Variants in ADAMTS6 observed in about 807,000 individuals in gnomAD.
ADAMTS6 encodes the protein ADAM metallopeptidase with thrombospondin type 1 motif 6.
ADAMTS6 carries 23 observed loss-of-function variants against 144.3 expected under a neutral mutation model. The observed-to-expected ratio is 0.16, with a 90% CI of 0.11 to 0.23. The LOEUF is 0.23. ADAMTS6 is among the 10% of genes least tolerant of loss of function. The pLI, the probability that ADAMTS6 is intolerant of heterozygous loss-of-function variation, is 1.00. For synonymous variants in ADAMTS6, 444 were observed against 457.5 expected (o/e 0.97, Z 0.38); for missense variants, 999 against 1,379.6 (o/e 0.72, Z 4.37).
At chr5:65,166,822 C>A (rs1448987485) in intron 24 of ADAMTS6, among the ~76,000 whole-genome samples, 1 of 79,226 alleles carries the variant, frequency 1.3e-5, no homozygotes, top group Non-Finnish European at 2.6e-5. Context: ...TAAAGATGTT[C>A]TTTGAAACCA....
At chr5:65,463,450 G>A (rs1446666959) in intron 3 of ADAMTS6, among the ~76,000 whole-genome samples, 1 of 152,158 alleles carries the variant, frequency 6.6e-6, no homozygotes, top group African/African-American at 2.4e-5. Context: ...AAAACCAGAT[G>A]ATGGAGGGCC....
chr5:65,230,914 A>C (rs2112436232), intron 15 of ADAMTS6, among the ~76,000 whole-genome samples: 1 of 147,328 alleles, frequency 6.8e-6, no homozygotes, highest in East Asian at 2.0e-4. Flanking sequence ...ATGAAATCAA[A>C]GCATACTACT....
chr5:65,188,071 T>C lies in ADAMTS6; in HGVS notation c.2855A>G (p.Glu952Gly), dbSNP rs755763843. Residue 952 changes from glutamate (E) to glycine (G), a missense_variant, in exon 22 of 25, where the codon GAG becomes GGG. Glu to Gly is a moderately conservative substitution (Grantham distance 98). Around this residue, in one of 3 missense-constraint regions of ADAMTS6, gnomAD observed 619 missense variants for 837.0 expected, o/e 0.74. Transcript: ENST00000381055. ...TGGACATGACTGGTTGTTGCAGGGC[T>C]CTTTTTCGACAGGCCGGTGTGTTAA... ...GCLTHRPVEK[E>G]PCNNQSCPPQ... The C allele has an allele frequency of 6.2e-7, 1 of 1,614,142 alleles. No homozygotes were observed. Among genetic ancestry groups the C allele is most frequent in the Non-Finnish European group, 8.5e-7 (1 of 1,180,000 alleles).
At chr5:65,401,075 T>A (rs949369992) in intron 7 of ADAMTS6, among the ~76,000 whole-genome samples, 2 of 152,170 alleles carry the variant, frequency 1.3e-5, no homozygotes, top group Non-Finnish European at 2.9e-5. Context: ...AAACTGTGTT[T>A]TTTGCCTCTC....
At chr5:65,239,527 G>T (rs558022284) in intron 15 of ADAMTS6, among the ~76,000 whole-genome samples, 2 of 151,978 alleles carry the variant, frequency 1.3e-5, no homozygotes, top group African/African-American at 4.8e-5. Flanking sequence ...AAAACACAAT[G>T]ACCAGAAAGA....
intron 7 of ADAMTS6, among the ~76,000 whole-genome samples, chr5:65,359,960 C>T (rs886188292): frequency 2.6e-5 from 4 of 152,114 alleles, no homozygotes; most frequent in Non-Finnish European, 5.9e-5. Context: ...ATAATGTATA[C>T]TTAAAAATTG....
chr5:65,230,450 A>G (rs1418467259), intron 15 of ADAMTS6, among the ~76,000 whole-genome samples: 1 of 25,416 alleles, frequency 3.9e-5, no homozygotes, highest in Non-Finnish European at 5.8e-5. Flanking sequence ...TATATGAAAT[A>G]TATATAATAC....
intron 8 of ADAMTS6, among the ~76,000 whole-genome samples, chr5:65,331,257 A>G (rs74334295): frequency 0.045 from 6,818 of 152,054 alleles, 291 homozygotes; most frequent in African/African-American, 0.11. Flanking sequence ...TGTTTCTTAC[A>G]TTTCCCAAAA....
intron 7 of ADAMTS6, among the ~76,000 whole-genome samples, chr5:65,356,431 C>G (rs1010193085): frequency 1.3e-5 from 2 of 151,810 alleles, no homozygotes; most frequent in African/African-American, 4.8e-5. Flanking sequence ...ACAATTATGT[C>G]AAATGACAAC....
At chr5:65,173,102 A>G in intron 22 of ADAMTS6, 94 bp from the exon 23 acceptor site, 1 of 1,283,534 alleles carries the variant, frequency 7.8e-7, no homozygotes, top group Non-Finnish European at 1.1e-6. Flanking sequence ...GTGTTTTAGT[A>G]TAGAATATAC....
At chr5:65,405,840 A>T (rs190954576) in intron 7 of ADAMTS6, among the ~76,000 whole-genome samples, 18 of 151,478 alleles carry the variant, frequency 1.2e-4, no homozygotes, top group Admixed American at 4.6e-4. Flanking sequence ...GGTTTGTAGT[A>T]CTCCTTGAAG....
chr5:65,217,890 T>G (rs1008770430), intron 18 of ADAMTS6, among the ~76,000 whole-genome samples: 2 of 152,146 alleles, frequency 1.3e-5, no homozygotes, highest in African/African-American at 2.4e-5. Context: ...TTGTAAATAA[T>G]CAGAAAACTC....
At chr5:65,468,117 A>T (rs985281026) in intron 3 of ADAMTS6, among the ~76,000 whole-genome samples, 7 of 152,318 alleles carry the variant, frequency 4.6e-5, no homozygotes, top group Admixed American at 3.3e-4. Flanking sequence ...TTAAAATATG[A>T]CATTATATGA....
At chr5:65,299,920 T>C in intron 10 of ADAMTS6, 65 bp downstream of exon 10, 3 of 1,540,446 alleles carry the variant, frequency 1.9e-6, no homozygotes, top group Non-Finnish European at 2.6e-6. Flanking sequence ...AAGCACTACA[T>C]GTTAGGCTTC....
Position 65,352,819 on chromosome 5 carries a change from T to C in ADAMTS6, c.1074-18734A>G, listed in dbSNP as rs1458138841. Among the ~76,000 whole-genome samples, 6 of 152,186 alleles carry C rather than the reference T, an allele frequency of 3.9e-5. No individual in the cohort carries two copies. In the East Asian group the frequency reaches 1.2e-3, roughly 29 times the overall value. The stretch of plus-strand genomic sequence containing the variant: ...ACTGCCATCCTCAGTTGAAAAGTAC[T>C]ACATTTCAAATAAACATAATGATAT... On this transcript the variant is annotated intron_variant, in intron 7 of 24. Coordinates refer to ENST00000381055, the MANE Select transcript of ADAMTS6 (RefSeq NM_197941.4).
At chr5:65,313,967 A>G (rs1744738734) in intron 9 of ADAMTS6, among the ~76,000 whole-genome samples, 1 of 152,114 alleles carries the variant, frequency 6.6e-6, no homozygotes, top group Non-Finnish European at 1.5e-5. Flanking sequence ...TCTAGCTTTC[A>G]GTTAAAAAAA....
intron 7 of ADAMTS6, among the ~76,000 whole-genome samples, chr5:65,395,373 G>A (rs1199126233): frequency 6.6e-6 from 1 of 152,040 alleles, no homozygotes; most frequent in African/African-American, 2.4e-5. Flanking sequence ...AGTCCTTTAA[G>A]GTTTGATTTA....
chr5:65,363,366 TCA>T (rs1439221892), intron 7 of ADAMTS6, among the ~76,000 whole-genome samples: 2 of 152,180 alleles, frequency 1.3e-5, no homozygotes, highest in African/African-American at 4.8e-5. Flanking sequence ...AACAATAGCT[TCA>T]CACCCCTTTT....
chr5:65,265,835 A>G (rs1761578590), intron 12 of ADAMTS6, among the ~76,000 whole-genome samples: 1 of 151,980 alleles, frequency 6.6e-6, no homozygotes, highest in African/African-American at 2.4e-5. Flanking sequence ...CCAAGATCAC[A>G]TACTAGTAGA....
Sources: allele counts gnomAD v4.1 joint callset (sites outside exome capture counted in the v4.1 genomes callset), GRCh38; gene constraint gnomAD v4.1.1; regional missense constraint gnomAD v4.1.1; transcripts MANE v1.5; gene names NCBI Gene and HGNC (gene_info 2026-07-23, HGNC 2026-07-21).